Variants in AGBL1 observed in about 807,000 individuals in gnomAD.
AGBL1 encodes the protein AGBL carboxypeptidase 1, also known as cytosolic carboxypeptidase 4.
A neutral mutation model predicts 118.9 loss-of-function variants in AGBL1; 130 were observed. The observed-to-expected ratio is 1.09, with a 90% CI of 0.95 to 1.26. AGBL1 has a LOEUF of 1.26. AGBL1 is among the 50% of genes most tolerant of loss of function. AGBL1 has a pLI of 0.00. For missense variants in AGBL1, 1,584 were observed against 1,298.1 expected (o/e 1.22, Z -3.38); for synonymous variants, 555 against 478.9 (o/e 1.16, Z -2.08).
intron 22 of AGBL1, among the ~76,000 whole-genome samples, chr15:86,684,793 GCATTTA>G (rs1312893572): frequency 6.6e-6 from 1 of 152,056 alleles, no homozygotes; most frequent in Non-Finnish European, 1.5e-5. Context: ...CTAATATCCT[GCATTTA>G]CTCTCAAAGG....
chr15:86,998,195 A>G (rs1341801901), intron 24 of AGBL1, among the ~76,000 whole-genome samples: 4 of 152,180 alleles, frequency 2.6e-5, no homozygotes, highest in African/African-American at 4.8e-5. Context: ...CTGTTATGTA[A>G]TAAAATATAG....
At chr15:86,864,548 G>C (rs1373838537) in intron 22 of AGBL1, among the ~76,000 whole-genome samples, 1 of 151,964 alleles carries the variant, frequency 6.6e-6, no homozygotes, top group Non-Finnish European at 1.5e-5. Context: ...GTAAATCCTG[G>C]GTCATCTTAC....
At chr15:86,484,876 A>T (rs976270242) in intron 18 of AGBL1, among the ~76,000 whole-genome samples, 2 of 152,154 alleles carry the variant, frequency 1.3e-5, no homozygotes, top group Admixed American at 1.3e-4. Flanking sequence ...ACTGAAAAAC[A>T]CTTGAAATAG....
chr15:86,142,866 A>G (rs2076981991), intron 2 of AGBL1, among the ~76,000 whole-genome samples: 1 of 152,236 alleles, frequency 6.6e-6, no homozygotes, highest in African/African-American at 2.4e-5. Flanking sequence ...AAAACCTTGA[A>G]GTTCTCCCTC....
At chr15:86,417,834 T>G (rs2081718360) in intron 18 of AGBL1, among the ~76,000 whole-genome samples, 1 of 152,232 alleles carries the variant, frequency 6.6e-6, no homozygotes, top group Non-Finnish European at 1.5e-5. Flanking sequence ...ATTATTATTC[T>G]GAAAACCAAA....
At chr15:86,673,543 C>T (rs2085782867) in intron 21 of AGBL1, among the ~76,000 whole-genome samples, 1 of 152,130 alleles carries the variant, frequency 6.6e-6, no homozygotes, top group South Asian at 2.1e-4. Flanking sequence ...AAGTCTGCAT[C>T]TCCTTATCTG....
At chr15:86,743,946 G>T (rs2077718279) in intron 22 of AGBL1, among the ~76,000 whole-genome samples, 1 of 152,044 alleles carries the variant, frequency 6.6e-6, no homozygotes, top group Non-Finnish European at 1.5e-5. Context: ...GGGTAAGTTA[G>T]GAAAAGATAA....
intron 1 of AGBL1, among the ~76,000 whole-genome samples, chr15:86,099,741 C>G (rs1192221153): frequency 2.6e-5 from 4 of 152,080 alleles, no homozygotes; most frequent in Non-Finnish European, 5.9e-5. Flanking sequence ...AACTCCTGAC[C>G]TCAGGTGATC....
intron 17 of AGBL1, among the ~76,000 whole-genome samples, chr15:86,300,886 A>G (rs987290330): frequency 6.6e-5 from 10 of 152,182 alleles, no homozygotes; most frequent in African/African-American, 2.2e-4. Context: ...AAAGATTTAC[A>G]TGGGGTCCCG....
chr15:86,781,526 T>C lies in AGBL1; in HGVS notation c.3158+107090T>C, dbSNP rs571323839. On this transcript the variant is annotated intron_variant, in intron 22 of 22. Transcript: ENST00000614907. ...TTATCATTATGAGGATTTTTAGGACTCTTAGAGATCGTTTTAAGACACAAA... is the reference window on the plus strand; with the variant it reads ...TTATCATTATGAGGATTTTTAGGACCCTTAGAGATCGTTTTAAGACACAAA... Among the ~76,000 whole-genome samples, 271 of 152,306 alleles carry C rather than the reference T, an allele frequency of 1.8e-3. 2 individuals are homozygous for C. Among genetic ancestry groups the C allele is most frequent in the African/African-American group, 6.1e-3 (253 of 41,576 alleles).
intron 22 of AGBL1, among the ~76,000 whole-genome samples, chr15:86,773,790 A>T (rs184102690): frequency 6.6e-6 from 1 of 152,080 alleles, no homozygotes; most frequent in Non-Finnish European, 1.5e-5. Flanking sequence ...TGAAAAAGAA[A>T]AAAGCAGAGC....
intron 4 of AGBL1, among the ~76,000 whole-genome samples, chr15:86,157,690 C>T (rs528369151): frequency 5.9e-5 from 9 of 152,204 alleles, no homozygotes; most frequent in African/African-American, 1.7e-4. Flanking sequence ...CTATCTTTTC[C>T]GTCAATTGTT....
intron 21 of AGBL1, among the ~76,000 whole-genome samples, chr15:86,626,522 G>T (rs1433417992): frequency 6.6e-6 from 1 of 152,146 alleles, no homozygotes; most frequent in African/African-American, 2.4e-5. Flanking sequence ...GTGGGAGGAG[G>T]GAGAGGAGCA....
rs140755143 is a variant in AGBL1 at position 86,258,230 on chromosome 15, G to A, written c.969+199G>A. Among the ~76,000 whole-genome samples, 99 of 152,178 alleles carry A rather than the reference G, an allele frequency of 6.5e-4. 1 individual carries two copies. In the East Asian group the frequency reaches 0.016, roughly 25 times the overall value. On this transcript the variant is annotated intron_variant, in intron 9 of 22. Transcript: ENST00000614907. ...TTGTCATTTTCATCTTGGTAGGTCC[G>A]GTACAATGTCTCATTATAAAGTCAG...
rs932444894 is a variant in AGBL1 at position 86,912,850 on chromosome 15, C to G, written c.*5556C>G. ...AGCTCACCCCAGCTCCCCAAACTCT[C>G]TAGTCTTGGAAAGACATGCATAGTA... On this transcript the variant is annotated 3_prime_UTR_variant, in exon 23 of 23. Coordinates refer to ENST00000614907, the MANE Select transcript of AGBL1 (RefSeq NM_001386094.1). 3 of 152,176 alleles carry G rather than the reference C, an allele frequency of 2.0e-5. No individual in the cohort carries two copies. 9.4% of individuals were successfully genotyped at this position (152,176 alleles called of 1,614,324 possible).
Position 86,269,941 on chromosome 15 carries a change from A to C in AGBL1, c.1861A>C (p.Asn621His). ...CAGGTTCGAGTATGACTTGCTGGTC[A>C]ACGCAGATGTGAATAGCACCCAGCA... ...VREFEYDLLV[N>H]ADVNSTQHQQ... The change falls in exon 14 of 23, where the codon AAC (asparagine) becomes CAC (histidine). Residue 621 changes from asparagine (N) to histidine (H), a missense_variant. By Grantham distance (68) the Asn-to-His change is moderately conservative (BLOSUM62 1). Coordinates refer to ENST00000614907, the MANE Select transcript of AGBL1 (RefSeq NM_001386094.1). 1 of 1,613,776 alleles carries C rather than the reference A, an allele frequency of 6.2e-7. No individual in the cohort carries two copies. Among genetic ancestry groups the C allele is most frequent in the East Asian group, 2.2e-5 (1 of 44,864 alleles).
intron 17 of AGBL1, among the ~76,000 whole-genome samples, chr15:86,360,469 T>TA (rs1261854728): frequency 6.6e-6 from 1 of 151,920 alleles, no homozygotes; most frequent in African/African-American, 2.4e-5. Context: ...ATTGAGGATT[T>TA]AAAAATCTAT....
intron 18 of AGBL1, among the ~76,000 whole-genome samples, chr15:86,481,241 A>G (rs926699200): frequency 7.9e-5 from 12 of 151,986 alleles, no homozygotes; most frequent in African/African-American, 2.9e-4. Context: ...TATGTGCTAG[A>G]TGCTTTCCTA....
At chr15:86,103,324 A>G (rs1896843212) in intron 1 of AGBL1, among the ~76,000 whole-genome samples, 1 of 152,312 alleles carries the variant, frequency 6.6e-6, no homozygotes, top group Non-Finnish European at 1.5e-5. Context: ...AATATGTTGA[A>G]TTCTTTTTCT....
Sources: allele counts gnomAD v4.1 joint callset (sites outside exome capture counted in the v4.1 genomes callset), GRCh38; gene constraint gnomAD v4.1.1; transcripts MANE v1.5; gene names NCBI Gene and HGNC (gene_info 2026-07-23, HGNC 2026-07-21).